STAT3: variants seen among roughly 807,000 people sequenced by gnomAD.
STAT3 encodes DNA-binding protein APRF.
In STAT3, 7 loss-of-function variants were observed where a neutral mutation model predicts 114.3. That is an observed-to-expected ratio of 0.06 (90% CI 0.03 to 0.11). The LOEUF is 0.11. Ranked by LOEUF, STAT3 falls within the 10% of genes least tolerant of loss-of-function variation. STAT3 has a pLI of 1.00. For synonymous variants in STAT3, 331 were observed against 354.5 expected (o/e 0.93, Z 0.74); for missense variants, 364 against 960.9 (o/e 0.38, Z 8.21).
At chr17:42,380,308 C>G (rs2084709034) in intron 1 of STAT3, among the ~76,000 whole-genome samples, 1 of 151,436 alleles carries the variant, frequency 6.6e-6, no homozygotes, top group South Asian at 2.1e-4. Context: ...CAGGCGTGAG[C>G]CACCATGCCC....
chr17:42,322,524 T>C, intron 20 of STAT3, 30 bp from the exon 21 acceptor site: 1 of 1,612,792 alleles, frequency 6.2e-7, no homozygotes. Flanking sequence ...GGAAAGATCA[T>C]GGAACCTACA....
intron 1 of STAT3, among the ~76,000 whole-genome samples, chr17:42,380,923 T>C (rs1349358258): frequency 1.3e-5 from 2 of 152,048 alleles, no homozygotes; most frequent in African/African-American, 4.8e-5. Flanking sequence ...AAAAAATAAA[T>C]AGTAATAATA....
intron 1 of STAT3, among the ~76,000 whole-genome samples, chr17:42,351,820 G>A (rs1413586757): frequency 6.6e-6 from 1 of 152,026 alleles, no homozygotes; most frequent in East Asian, 1.9e-4. Flanking sequence ...GTGCAGTGGT[G>A]CAATCTCACC....
chr17:42,344,650 C>T (rs1016524152), intron 4 of STAT3, among the ~76,000 whole-genome samples: 18 of 149,876 alleles, frequency 1.2e-4, no homozygotes, highest in Non-Finnish European at 2.4e-4. Context: ...ACCTGGGAGG[C>T]GGAGGTTGCA....
At chr17:42,340,280 C>T (rs990628298) in intron 4 of STAT3, among the ~76,000 whole-genome samples, 3 of 150,326 alleles carry the variant, frequency 2.0e-5, no homozygotes, top group Non-Finnish European at 4.4e-5. Flanking sequence ...CGCCTGAACC[C>T]GGGAGGTGGA....
intron 1 of STAT3, among the ~76,000 whole-genome samples, chr17:42,352,669 A>T (rs950982875): frequency 2.0e-4 from 31 of 152,214 alleles, no homozygotes; most frequent in Admixed American, 1.2e-3. Context: ...AAAAAAAAAA[A>T]ATCTGCCTCA....
intron 1 of STAT3, among the ~76,000 whole-genome samples, chr17:42,382,696 G>A (rs1362423066): frequency 1.3e-5 from 2 of 151,862 alleles, no homozygotes; most frequent in East Asian, 3.9e-4. Flanking sequence ...GCCCAGGCTG[G>A]AGTGCAGTGG....
chr17:42,319,313 G>A (rs1476339637), intron 21 of STAT3, among the ~76,000 whole-genome samples: 3 of 151,946 alleles, frequency 2.0e-5, no homozygotes, highest in East Asian at 1.9e-4. Context: ...AGGCCCAGGC[G>A]GGAAGATCAC....
At position 42,388,379 on chromosome 17, in the gene STAT3, G is replaced by C. The variant is rs2085232072; in HGVS notation, c.-124C>G. On this transcript the variant is annotated 5_prime_UTR_variant, in exon 1 of 24. Transcript: ENST00000264657. ...AAGGGCCTCTCCGAGCCGAGGGGGA[G>C]AGACAGCGCCAAGCCGGGGTGCCTG... The C allele has an allele frequency of 8.1e-7, 1 of 1,231,556 alleles. No individual in the cohort carries two copies. Among genetic ancestry groups the C allele is most frequent in the South Asian group, 4.1e-5 (1 of 24,340 alleles). 76.3% of individuals were successfully genotyped at this position (1,231,556 alleles called of 1,614,324 possible).
In STAT3 at chr17:42,314,655, AAAT is replaced by A. The variant is rs1314801339; in HGVS notation, c.*1087_*1089del. Reference sequence around the variant, plus strand: ...TAAAAGGCCAATACATTACAAAGGAAAATAAGTCTATTTATAAAAAAAAGTCTA... The same window carrying A: ...TAAAAGGCCAATACATTACAAAGGAAAAGTCTATTTATAAAAAAAAGTCTA... On this transcript the variant is annotated 3_prime_UTR_variant, in exon 24 of 24. Transcript: ENST00000264657. 8 of 227,508 alleles carry A rather than the reference AAAT, an allele frequency of 3.5e-5. No homozygotes were observed. The highest frequency in any genetic ancestry group is 1.8e-4 in the African/African-American group (8 of 44,954). 14.1% of individuals were successfully genotyped at this position (227,508 alleles called of 1,614,324 possible). A position where few individuals can be genotyped will look rare whatever the true frequency, so the allele number is the denominator to read the frequency against.
At chr17:42,383,528 G>C (rs143904273) in intron 1 of STAT3, among the ~76,000 whole-genome samples, 59 of 152,234 alleles carry the variant, frequency 3.9e-4, no homozygotes, top group Non-Finnish European at 5.9e-4. Context: ...TTTAAAAACT[G>C]GAGGCATCTC....
At position 42,323,751 on chromosome 17, in the gene STAT3, G is replaced by A. The variant is rs2081583887; in HGVS notation, c.1601-126C>T. 12 of 892,134 alleles carry A rather than the reference G, an allele frequency of 1.3e-5. 1 individual carries two copies. In the East Asian group the frequency reaches 3.1e-4, roughly 23 times the overall value. The allele number at this position is 892,134 out of a possible 1,614,324, so 55.3% of individuals were successfully genotyped here. ...CAAAATAATCAGCTTTCACATCTTT[G>A]AAGGTAGGCACTGTTGTGTGTGTGC... On this transcript the variant is annotated intron_variant, in intron 17 of 23. Transcript: ENST00000264657.
intron 1 of STAT3, among the ~76,000 whole-genome samples, chr17:42,380,245 C>T (rs2084704222): frequency 6.6e-6 from 1 of 151,736 alleles, no homozygotes; most frequent in Non-Finnish European, 1.5e-5. Flanking sequence ...CTATGTTGGG[C>T]AGGCTGGTCT....
intron 5 of STAT3, 64 bp from the exon 6 acceptor site, chr17:42,338,876 TAA>T: frequency 1.4e-6 from 2 of 1,445,894 alleles, no homozygotes; most frequent in Non-Finnish European, 1.9e-6. Flanking sequence ...ACAGAAAATA[TAA>T]AGTTTCTGAG....
chr17:42,372,190 T>C (rs1025834371), intron 1 of STAT3, among the ~76,000 whole-genome samples: 4 of 152,162 alleles, frequency 2.6e-5, no homozygotes, highest in Non-Finnish European at 5.9e-5. Context: ...ACTCTTACCA[T>C]ATGATCTAGC....
chr17:42,379,846 C>T (rs905336346), intron 1 of STAT3, among the ~76,000 whole-genome samples: 3 of 152,120 alleles, frequency 2.0e-5, no homozygotes, highest in African/African-American at 4.8e-5. Context: ...TATATGACAG[C>T]CTCAATTTCC....
intron 1 of STAT3, among the ~76,000 whole-genome samples, chr17:42,385,832 C>A (rs2085072104): frequency 6.6e-6 from 1 of 152,154 alleles, no homozygotes; most frequent in Admixed American, 6.5e-5. Context: ...TGACCAAAAA[C>A]AGTTCCTCAC....
intron 1 of STAT3, among the ~76,000 whole-genome samples, chr17:42,355,933 T>TA (rs1465227183): frequency 6.6e-6 from 1 of 152,174 alleles, no homozygotes; most frequent in African/African-American, 2.4e-5. Context: ...GCTCATACAA[T>TA]AATCCAGAAC....
At chr17:42,380,573 C>CGGGG (rs11449147) in intron 1 of STAT3, among the ~76,000 whole-genome samples, 2 of 146,908 alleles carry the variant, frequency 1.4e-5, no homozygotes, top group African/African-American at 5.0e-5. Context: ...TTAGTAGAGA[C>CGGGG]GGGGGGGGTC....
Sources: gnomAD v4.1 joint callset for allele counts (sites outside exome capture counted in the v4.1 genomes callset) on GRCh38, gnomAD v4.1.1 for gene constraint, MANE v1.5 for transcripts, NCBI Gene and HGNC (gene_info 2026-07-23, HGNC 2026-07-21) for gene names.